SLC39A9: variants seen among roughly 807,000 people sequenced by gnomAD.
The protein encoded by SLC39A9 is zinc transporter ZIP9.
In SLC39A9, 14 loss-of-function variants were observed where a neutral mutation model predicts 28.4. That is an observed-to-expected ratio of 0.49 (90% CI 0.33 to 0.77). SLC39A9 has a LOEUF of 0.77. SLC39A9 is among the 30% of genes least tolerant of loss of function. The pLI is 0.02. For synonymous variants in SLC39A9, 119 were observed against 149.6 expected (o/e 0.80, Z 1.49); for missense variants, 283 against 381.1 (o/e 0.74, Z 2.14).
chr14:69,425,702 C>G (rs1884153003), intron 2 of SLC39A9, among the ~76,000 whole-genome samples: 1 of 151,888 alleles, frequency 6.6e-6, no homozygotes, highest in Non-Finnish European at 1.5e-5. Context: ...TGGTCTCACT[C>G]TGTCGCCCAG....
At chr14:69,411,650 T>A (rs1263162656) in intron 1 of SLC39A9, among the ~76,000 whole-genome samples, 3 of 152,170 alleles carry the variant, frequency 2.0e-5, no homozygotes, top group African/African-American at 7.2e-5. Flanking sequence ...AGCATTTTGT[T>A]AACTTTAATA....
intron 1 of SLC39A9, among the ~76,000 whole-genome samples, chr14:69,420,641 A>G (rs907187132): frequency 2.6e-5 from 4 of 152,166 alleles, no homozygotes; most frequent in African/African-American, 4.8e-5. Context: ...ACACCAATCA[A>G]ACGTAGATTT....
At chr14:69,421,944 G>C (rs751432791) in intron 1 of SLC39A9, among the ~76,000 whole-genome samples, 5 of 152,154 alleles carry the variant, frequency 3.3e-5, no homozygotes, top group Non-Finnish European at 5.9e-5. Context: ...GAAATCCCCT[G>C]ACCCCTTGCG....
chr14:69,448,505 G>A (rs575736448), intron 3 of SLC39A9, among the ~76,000 whole-genome samples: 275 of 152,140 alleles, frequency 1.8e-3, no homozygotes, highest in Middle Eastern at 6.8e-3. Context: ...CCAAGAACCC[G>A]TAGTCTTAAG....
At position 69,461,251 on chromosome 14, in the gene SLC39A9, CTT is replaced by C. The variant is rs1376664961; in HGVS notation, c.*2660_*2661del. The C allele has an allele frequency of 1.0e-6, 1 of 989,514 alleles. No homozygotes were observed. The highest frequency in any genetic ancestry group is 1.7e-5 in the African/African-American group (1 of 57,318). 61.3% of individuals were successfully genotyped at this position (989,514 alleles called of 1,614,324 possible). A position where few individuals can be genotyped will look rare whatever the true frequency, so the allele number is the denominator to read the frequency against. On this transcript the variant is annotated 3_prime_UTR_variant, in exon 7 of 7. Transcript: ENST00000336643. Reference sequence around the variant, plus strand: ...ACTCCGTTTCCTTGGTAGGGATAGACTTTCTTCAGATTCCAAGTGCTCTCTTA... The same window carrying C: ...ACTCCGTTTCCTTGGTAGGGATAGACTCTTCAGATTCCAAGTGCTCTCTTA...
chr14:69,399,432 C>G lies in SLC39A9; in HGVS notation c.63C>G (p.Ala21=). Residue 21 remains alanine (A), a synonymous_variant, in exon 1 of 7, where the codon GCC becomes GCG. Coordinates refer to ENST00000336643, the MANE Select transcript of SLC39A9 (RefSeq NM_018375.5). ...SLAMLVGCYV[A]GIIPLAVNFS... ...CTATGTTGGTGGGATGTTACGTGGC[C>G]GGAATCATTCCCTTGGCTGTTAATT... 6.2e-7 allele frequency: 1 copy of G among 1,613,970 alleles called. No homozygotes were observed. The highest frequency in any genetic ancestry group is 8.5e-7 in the Non-Finnish European group (1 of 1,179,958).
chr14:69,405,704 A>G (rs1445715785), intron 1 of SLC39A9, among the ~76,000 whole-genome samples: 14 of 152,244 alleles, frequency 9.2e-5, no homozygotes, highest in Admixed American at 9.2e-4. Context: ...ATTGTTTCAT[A>G]AGGATCCTTG....
At chr14:69,436,259 C>T (rs1478605855) in intron 2 of SLC39A9, among the ~76,000 whole-genome samples, 3 of 151,974 alleles carry the variant, frequency 2.0e-5, no homozygotes, top group Non-Finnish European at 2.9e-5. Flanking sequence ...AATTATTTTT[C>T]CAAAAGTATG....
rs147797326 is a variant in SLC39A9 at position 69,452,608 on chromosome 14, G to T, written c.404-633G>T. Among the ~76,000 whole-genome samples, 260 of 152,258 alleles carry T rather than the reference G, an allele frequency of 1.7e-3. 2 individuals are homozygous for T. The highest frequency in any genetic ancestry group is 6.0e-3 in the African/African-American group (249 of 41,530). On this transcript the variant is annotated intron_variant, in intron 3 of 6. Transcript: ENST00000336643. ...GCCTCCCAAAGTGCTGGGATTACAG[G>T]TGTGAGCTACTGTGCCCGGCCAAGG...
chr14:69,408,526 G>A (rs1283987595), intron 1 of SLC39A9, among the ~76,000 whole-genome samples: 4 of 152,164 alleles, frequency 2.6e-5, no homozygotes, highest in Non-Finnish European at 4.4e-5. Context: ...GAGTCATTAG[G>A]GAGAAGTGAG....
intron 3 of SLC39A9, among the ~76,000 whole-genome samples, chr14:69,450,271 T>C (rs1268025997): frequency 1.3e-5 from 2 of 152,116 alleles, no homozygotes; most frequent in Admixed American, 1.3e-4. Context: ...CTTTCTTCCA[T>C]ACCATTCTAC....
In SLC39A9 at chr14:69,459,784, G is replaced by T. The variant is rs922318467; in HGVS notation, c.*1191G>T. On this transcript the variant is annotated 3_prime_UTR_variant, in exon 7 of 7. Transcript: ENST00000336643. Reference sequence around the variant, plus strand: ...TAACTTTTCCCTCTAGCCTCTCCTCGCCACAATTTGCTGCTTACTGCTGGT... The same window carrying T: ...TAACTTTTCCCTCTAGCCTCTCCTCTCCACAATTTGCTGCTTACTGCTGGT... 4.1e-6 allele frequency: 4 copies of T among 984,944 alleles called. No individual in the cohort carries two copies. Among genetic ancestry groups the T allele is most frequent in the African/African-American group, 1.8e-5 (1 of 57,122 alleles). The allele number at this position is 984,944 out of a possible 1,614,324, so 61.0% of individuals were successfully genotyped here.
At chr14:69,441,152 G>T (rs1301610872) in intron 2 of SLC39A9, among the ~76,000 whole-genome samples, 1 of 152,046 alleles carries the variant, frequency 6.6e-6, no homozygotes, top group African/African-American at 2.4e-5. Flanking sequence ...GGTGGTACTT[G>T]CCTGTGGTTT....
chr14:69,455,553 T>C (rs1885817294), intron 5 of SLC39A9, among the ~76,000 whole-genome samples, 179 bp from the exon 6 acceptor site: 2 of 152,006 alleles, frequency 1.3e-5, no homozygotes, highest in Non-Finnish European at 2.9e-5. Context: ...CTCCTGACCT[T>C]AGGTGATCCA....
intron 4 of SLC39A9, chr14:69,454,598 T>C: frequency 2.4e-6 from 1 of 408,890 alleles, no homozygotes; most frequent in African/African-American, 2.0e-5. Context: ...GATGCTATGC[T>C]CTTTACATAA....
chr14:69,426,669 G>A (rs1884209125), intron 2 of SLC39A9, among the ~76,000 whole-genome samples: 1 of 152,158 alleles, frequency 6.6e-6, no homozygotes, highest in Non-Finnish European at 1.5e-5. Context: ...CCCTCTCATG[G>A]GAGCTTAAGA....
intron 1 of SLC39A9, among the ~76,000 whole-genome samples, chr14:69,411,827 G>A (rs1030022556): frequency 6.7e-6 from 1 of 148,864 alleles, no homozygotes; most frequent in African/African-American, 2.5e-5. Context: ...CTGTCGCCCA[G>A]GCTGGAGTGC....
In SLC39A9 at chr14:69,461,833, G is replaced by GC; in HGVS notation, c.*3244dup. The GC allele has an allele frequency of 2.3e-6, 3 of 1,299,012 alleles. No individual in the cohort carries two copies. The highest frequency in any genetic ancestry group is 3.1e-6 in the Non-Finnish European group (3 of 954,102). 80.5% of individuals were successfully genotyped at this position (1,299,012 alleles called of 1,614,324 possible). On this transcript the variant is annotated 3_prime_UTR_variant, in exon 7 of 7. Coordinates refer to ENST00000336643, the MANE Select transcript of SLC39A9 (RefSeq NM_018375.5). The stretch of plus-strand genomic sequence containing the variant: ...ATGTTCCTGCCTTGTGGGCCCCTGA[G>GC]CCCCTTGGGAGACTGAGAATCATGA...
At chr14:69,414,390 C>A (rs760693059) in intron 1 of SLC39A9, among the ~76,000 whole-genome samples, 33 of 152,152 alleles carry the variant, frequency 2.2e-4, no homozygotes, top group Non-Finnish European at 1.3e-4. Flanking sequence ...ATTGTGAACA[C>A]CACTGGTTTC....
Sources: allele counts gnomAD v4.1 joint callset (sites outside exome capture counted in the v4.1 genomes callset), GRCh38; gene constraint gnomAD v4.1.1; transcripts MANE v1.5; gene names NCBI Gene and HGNC (gene_info 2026-07-23, HGNC 2026-07-21).